The following TRANK1 variants were observed in gnomAD, a reference collection of about 807,000 sequenced individuals.
The protein encoded by TRANK1 is tetratricopeptide repeat and ankyrin repeat containing 1, also known as TPR and ankyrin repeat-containing protein 1.
TRANK1 carries 198 observed loss-of-function variants against 266.0 expected under a neutral mutation model. The ratio of observed to expected loss-of-function variants is 0.74; its 90% CI spans 0.66 to 0.84. The LOEUF is 0.84. Ranked by LOEUF, TRANK1 falls within the 40% of genes least tolerant of loss-of-function variation. The probability of loss-of-function intolerance (pLI) is 0.00; values close to 1 mark genes in which losing one functional copy is unlikely to be tolerated. For missense variants in TRANK1, 3,326 were observed against 3,634.6 expected, an observed-to-expected ratio of 0.92 and a Z score of 2.18; for synonymous variants, 1,396 against 1,384.1, an observed-to-expected ratio of 1.01 and a Z score of -0.19.
In TRANK1 at chr3:36,880,073, C is replaced by T. The variant is rs201115919; in HGVS notation, c.908-5777G>A. ...AAACATACAAATATATGTAAACATG[C>T]AAATATATATAAACATATATAAATA... On this transcript the variant is annotated intron_variant, in intron 8 of 23. Transcript: ENST00000645898. The T allele has an allele frequency of 1.7e-4, 5 of 30,188 alleles. 2 individuals are homozygous for T. The highest frequency in any genetic ancestry group is 1.6e-3 in the Admixed American group (4 of 2,486). The allele number at this position is 30,188 out of a possible 1,614,324, so 1.9% of individuals were successfully genotyped here. A position where few individuals can be genotyped will look rare whatever the true frequency, so the allele number is the denominator to read the frequency against.
rs2078685149 is a variant in TRANK1 at position 36,830,994 on chromosome 3, T to C, written c.8589A>G (p.Val2863=). ...TGGAGCCCACGTGACTGTGGATCCATACACTTTGCTCGATGTCCTGCACCA... is the reference window on the plus strand; with the variant it reads ...TGGAGCCCACGTGACTGTGGATCCACACACTTTGCTCGATGTCCTGCACCA... ...KLVVQDIEQS[V]WIHSHVGSKE... is the part of the protein sequence containing the mutation. Residue 2863 remains valine (V), a synonymous_variant, in exon 22 of 24, where the codon GTA becomes GTG. Transcript: ENST00000645898. 16 of 1,614,030 alleles carry C rather than the reference T, an allele frequency of 9.9e-6. 1 individual carries two copies. The highest frequency in any genetic ancestry group is 1.2e-5 in the Non-Finnish European group (14 of 1,179,890).
chr3:36,838,600 C>T lies in TRANK1; in HGVS notation c.5384+13G>A, dbSNP rs759932198. ...CCATCGGAGCAAACCAGAAGTGATC[C>T]CAAGACTCTTACTTGGGGCTGACTT... On this transcript the variant is annotated intron_variant, in intron 19 of 23. Transcript: ENST00000645898. 2.0e-5 allele frequency: 33 copies of T among 1,613,904 alleles called. No homozygotes were observed. The East Asian group carries it at 7.4e-4, about 36-fold the overall frequency.
Position 36,903,218 on chromosome 3 carries a change from G to A in TRANK1, c.213C>T (p.Ser71=). 2 of 1,537,302 alleles carry A rather than the reference G, an allele frequency of 1.3e-6. No individual in the cohort carries two copies. Among genetic ancestry groups the A allele is most frequent in the Non-Finnish European group, 8.7e-7 (1 of 1,146,926 alleles). The change falls in exon 3 of 24, where the codon AGC becomes AGT. Residue 71 remains serine, a synonymous_variant. Transcript: ENST00000645898. ...CAAATGCCTCATTCCACTTCCCAAG[G>A]CTGAAAAATGCATTTGATTTGTTGC... is the stretch of plus-strand genomic sequence containing the variant. ...LLCNKSNAFF[S]LGKWNEAFVA...
chr3:36,863,714 A>T (rs1223654291), intron 10 of TRANK1, among the ~76,000 whole-genome samples: 1 of 152,218 alleles, frequency 6.6e-6, no homozygotes, highest in African/African-American at 2.4e-5. Context: ...CAGATCTGGT[A>T]TGTTGGAAAC....
chr3:36,916,344 T>C (rs144421456), intron 1 of TRANK1, among the ~76,000 whole-genome samples: 2 of 152,148 alleles, frequency 1.3e-5, no homozygotes, highest in East Asian at 3.9e-4. Context: ...GGCGGGCAGA[T>C]CACGAGGTCA....
chr3:36,835,071 G>A (rs907528636), intron 20 of TRANK1, among the ~76,000 whole-genome samples, 164 bp from the exon 21 acceptor site: 7 of 152,090 alleles, frequency 4.6e-5, no homozygotes, highest in Admixed American at 3.3e-4. Context: ...TGTAATCCCA[G>A]CACTTTGGGA....
chr3:36,829,401 A>G (rs1353628390), intron 23 of TRANK1, among the ~76,000 whole-genome samples, 163 bp downstream of exon 23: 2 of 152,178 alleles, frequency 1.3e-5, no homozygotes, highest in Admixed American at 1.3e-4. Flanking sequence ...CTCAGATATT[A>G]TGTTGCTAGT....
chr3:36,945,161 C>G (rs565301799), upstream of TRANK1: 3 of 289,334 alleles, frequency 1.0e-5, no homozygotes, highest in East Asian at 1.3e-4. Context: ...CGGTGTCTCC[C>G]GTCATGCAAG....
At chr3:36,870,487 A>C (rs1390085967) in intron 9 of TRANK1, among the ~76,000 whole-genome samples, 1 of 151,200 alleles carries the variant, frequency 6.6e-6, no homozygotes, top group East Asian at 1.9e-4. Flanking sequence ...CCACCTTGCC[A>C]GCCCTTCCTG....
intron 5 of TRANK1, 43 bp downstream of exon 5, chr3:36,895,597 C>A: frequency 4.2e-6 from 5 of 1,203,678 alleles, no homozygotes; most frequent in Admixed American, 2.9e-5. Flanking sequence ...ATCATTTCAT[C>A]AAGAATGTAC....
At chr3:36,936,153 C>A (rs930602202) in intron 1 of TRANK1, among the ~76,000 whole-genome samples, 1 of 152,092 alleles carries the variant, frequency 6.6e-6, no homozygotes, top group Non-Finnish European at 1.5e-5. Flanking sequence ...TAATTCCTAG[C>A]TTTTTGGAAC....
intron 18 of TRANK1, among the ~76,000 whole-genome samples, chr3:36,840,329 A>T (rs948988611): frequency 3.9e-5 from 6 of 152,160 alleles, no homozygotes; most frequent in African/African-American, 1.4e-4. Context: ...GAAAATTGTG[A>T]GGCTTGGTCA....
chr3:36,929,412 G>A (rs976972279), intron 1 of TRANK1: 3 of 152,020 alleles, frequency 2.0e-5, no homozygotes, highest in African/African-American at 7.2e-5. Context: ...GACCGCCACC[G>A]GGCCTATAAA....
chr3:36,898,304 G>C (rs2079822568), intron 4 of TRANK1, among the ~76,000 whole-genome samples: 1 of 152,016 alleles, frequency 6.6e-6, no homozygotes, highest in Admixed American at 6.6e-5. Context: ...CAAAAAGTTA[G>C]CCGGGCGGGG....
chr3:36,864,264 ATTTTAATG>A, intron 10 of TRANK1, 47 bp downstream of exon 10: 1 of 1,436,756 alleles, frequency 7.0e-7, no homozygotes, highest in Non-Finnish European at 9.1e-7. Flanking sequence ...TTAGAAAAGA[ATTTTAATG>A]AACATAAATC....
At chr3:36,945,540 G>A (rs747659232), upstream of TRANK1, among the ~76,000 whole-genome samples, 22 of 152,198 alleles carry the variant, frequency 1.4e-4, no homozygotes, top group Non-Finnish European at 3.2e-4. Context: ...GCTGCTCCAC[G>A]CTCACCGTCG....
At chr3:36,871,943 A>G (rs1416893715) in intron 9 of TRANK1, among the ~76,000 whole-genome samples, 2 of 152,222 alleles carry the variant, frequency 1.3e-5, no homozygotes, top group East Asian at 1.9e-4. Flanking sequence ...CCACTTGCAC[A>G]TTCAAGAGAG....
At chr3:36,904,475 G>T (rs1474467207) in intron 2 of TRANK1, among the ~76,000 whole-genome samples, 1 of 151,028 alleles carries the variant, frequency 6.6e-6, no homozygotes, top group East Asian at 2.0e-4. Flanking sequence ...AGCCAAGATC[G>T]CACCACTGCA....
At chr3:36,925,834 T>G (rs924128251) in intron 1 of TRANK1, among the ~76,000 whole-genome samples, 3 of 152,184 alleles carry the variant, frequency 2.0e-5, no homozygotes, top group African/African-American at 4.8e-5. Context: ...TCCACCCACC[T>G]TGGCCTCCCA....
Sources: allele counts gnomAD v4.1 joint callset (sites outside exome capture counted in the v4.1 genomes callset), GRCh38; gene constraint gnomAD v4.1.1; transcripts MANE v1.5; gene names NCBI Gene and HGNC (gene_info 2026-07-23, HGNC 2026-07-21).